The following DPP6 variants were observed in gnomAD, a reference collection of about 807,000 sequenced individuals.
The protein encoded by DPP6 is A-type potassium channel modulatory protein DPP6.
DPP6 carries 69 observed loss-of-function variants against 122.6 expected under a neutral mutation model. The observed-to-expected ratio is 0.56, with a 90% confidence interval of 0.46 to 0.69. DPP6 has a LOEUF of 0.69. Among genes scored for constraint, DPP6 ranks in the 30% least tolerant of loss-of-function variants. DPP6 has a pLI of 0.00. For missense variants in DPP6, 928 were observed against 1,116.9 expected (o/e 0.83, Z 2.41); for synonymous variants, 418 against 433.1 (o/e 0.97, Z 0.43).
chr7:154,499,818 A>G (rs1825075140), intron 3 of DPP6, among the ~76,000 whole-genome samples: 1 of 152,120 alleles, frequency 6.6e-6, no homozygotes, highest in African/African-American at 2.4e-5. Flanking sequence ...TGGGGGTCCT[A>G]AAGACAACCA....
At chr7:154,492,027 G>A (rs1218083240) in intron 3 of DPP6, among the ~76,000 whole-genome samples, 1 of 152,144 alleles carries the variant, frequency 6.6e-6, no homozygotes, top group Non-Finnish European at 1.5e-5. Flanking sequence ...AGGTAAAGTA[G>A]CATCCTTGGA....
At chr7:154,272,886 C>G (rs970536511) in intron 1 of DPP6, among the ~76,000 whole-genome samples, 8 of 152,290 alleles carry the variant, frequency 5.3e-5, no homozygotes, top group South Asian at 2.1e-4. Flanking sequence ...GTCTCCACAT[C>G]TGTGGAGTTT....
At chr7:154,400,694 C>G (rs1211784735) in intron 1 of DPP6, among the ~76,000 whole-genome samples, 3 of 152,134 alleles carry the variant, frequency 2.0e-5, no homozygotes. Flanking sequence ...ACAAAATACA[C>G]CTTTGGAGAT....
At chr7:154,467,123 A>G (rs1248430065) in intron 2 of DPP6, among the ~76,000 whole-genome samples, 1 of 152,202 alleles carries the variant, frequency 6.6e-6, no homozygotes, top group Non-Finnish European at 1.5e-5. Flanking sequence ...CAGTTGGGGA[A>G]ACTGCATTAG....
At chr7:154,007,425 C>T (rs1797957983) in intron 1 of DPP6, among the ~76,000 whole-genome samples, 1 of 152,066 alleles carries the variant, frequency 6.6e-6, no homozygotes, top group Non-Finnish European at 1.5e-5. Flanking sequence ...AGCTGCTCTG[C>T]TTGGTCATTC....
At chr7:154,772,323 C>A (rs921652309) in intron 9 of DPP6, among the ~76,000 whole-genome samples, 9 of 152,076 alleles carry the variant, frequency 5.9e-5, no homozygotes, top group African/African-American at 2.2e-4. Context: ...AGACAACACC[C>A]CGAAGTCCCC....
chr7:154,063,623 GCA>G (rs1802430453), intron 1 of DPP6, among the ~76,000 whole-genome samples: 5 of 134,010 alleles, frequency 3.7e-5, no homozygotes, highest in Non-Finnish European at 6.5e-5. Flanking sequence ...CCCCCACGAG[GCA>G]GGGACTGAGA....
intron 7 of DPP6, among the ~76,000 whole-genome samples, chr7:154,707,882 A>G (rs558915800): frequency 7.2e-5 from 11 of 152,314 alleles, no homozygotes; most frequent in Admixed American, 1.3e-4. Flanking sequence ...TTATAAAACC[A>G]TCAGATCTCC....
At chr7:154,009,011 C>T (rs1220666097) in intron 1 of DPP6, among the ~76,000 whole-genome samples, 36 of 128,292 alleles carry the variant, frequency 2.8e-4, no homozygotes, top group South Asian at 2.0e-3. Flanking sequence ...ATGTTAGCCA[C>T]CCCCCAGAGA....
chr7:154,519,579 T>C (rs1248046402), intron 3 of DPP6, among the ~76,000 whole-genome samples: 1 of 152,150 alleles, frequency 6.6e-6, no homozygotes, highest in African/African-American at 2.4e-5. Context: ...CCTGGGAGAG[T>C]GAAGAAACCT....
At chr7:154,453,070 G>A (rs1191783932) in intron 2 of DPP6, among the ~76,000 whole-genome samples, 4 of 152,262 alleles carry the variant, frequency 2.6e-5, no homozygotes, top group African/African-American at 9.6e-5. Flanking sequence ...TTTGTTAGCA[G>A]CTACAGTTCC....
chr7:154,845,559 C>T (rs1215633732), intron 16 of DPP6, among the ~76,000 whole-genome samples: 1 of 152,056 alleles, frequency 6.6e-6, no homozygotes, highest in Non-Finnish European at 1.5e-5. Flanking sequence ...ATATATGTAA[C>T]GTAAATGGCG....
At chr7:154,199,370 A>C (rs1799046601) in intron 1 of DPP6, among the ~76,000 whole-genome samples, 1 of 152,108 alleles carries the variant, frequency 6.6e-6, no homozygotes, top group African/African-American at 2.4e-5. Flanking sequence ...TTTCCTTTCT[A>C]CATTGCCTCA....
intron 1 of DPP6, among the ~76,000 whole-genome samples, chr7:154,387,942 C>CA (rs1814261404): frequency 1.3e-5 from 2 of 151,350 alleles, no homozygotes. Flanking sequence ...GAATTGCCTA[C>CA]TTTTTTTTTT....
intron 6 of DPP6, among the ~76,000 whole-genome samples, chr7:154,659,714 A>G (rs1837492147): frequency 6.6e-6 from 1 of 152,138 alleles, no homozygotes; most frequent in Non-Finnish European, 1.5e-5. Flanking sequence ...CTTCCTCCCC[A>G]CGAGGAACAT....
chr7:154,660,397 T>C (rs1251225664), intron 6 of DPP6, among the ~76,000 whole-genome samples: 1 of 150,466 alleles, frequency 6.6e-6, no homozygotes. Context: ...CCATGGCGTA[T>C]TGGCCGTAGT....
chr7:154,037,218 G>A (rs1230416163), intron 1 of DPP6, among the ~76,000 whole-genome samples: 1 of 152,190 alleles, frequency 6.6e-6, no homozygotes, highest in Non-Finnish European at 1.5e-5. Flanking sequence ...GAGAGAGCCA[G>A]CTTTGACCCT....
At chr7:154,503,800 C>T (rs548917486) in intron 3 of DPP6, among the ~76,000 whole-genome samples, 17 of 152,204 alleles carry the variant, frequency 1.1e-4, no homozygotes, top group African/African-American at 2.6e-4. Flanking sequence ...TGAAAAACTG[C>T]GATTAAAACC....
chr7:154,494,134 G>A (rs146278473), intron 3 of DPP6, among the ~76,000 whole-genome samples: 47 of 152,138 alleles, frequency 3.1e-4, no homozygotes, highest in African/African-American at 7.7e-4. Flanking sequence ...CCGAAACATC[G>A]CTTAAACTCA....
Sources: allele counts gnomAD v4.1 joint callset (sites outside exome capture counted in the v4.1 genomes callset), GRCh38; gene constraint gnomAD v4.1.1; transcripts MANE v1.5; gene names NCBI Gene and HGNC (gene_info 2026-07-23, HGNC 2026-07-21).